The following SERINC5 variants were observed in gnomAD, a reference collection of about 807,000 sequenced individuals.
The protein encoded by SERINC5 is serine incorporator 5.
Under a neutral mutation model 63.1 loss-of-function variants are expected in SERINC5, and 41 were observed. The observed-to-expected ratio is 0.65, with a 90% CI of 0.51 to 0.84. SERINC5 has a LOEUF of 0.84. Among genes scored for constraint, SERINC5 ranks in the 40% least tolerant of loss-of-function variants. The pLI is 0.00. For missense variants in SERINC5, 523 were observed against 573.0 expected, an observed-to-expected ratio of 0.91 and a Z score of 0.89; for synonymous variants, 222 against 215.2, an observed-to-expected ratio of 1.03 and a Z score of -0.28.
At chr5:80,169,576 G>C in intron 5 of SERINC5, 30 bp from the exon 6 acceptor site, 3 of 1,566,420 alleles carry the variant, frequency 1.9e-6, no homozygotes, top group Non-Finnish European at 8.7e-7. Context: ...GTAAGAGGGA[G>C]AGGAGAGAAG....
chr5:80,114,787 G>C (rs1744269565), intron 11 of SERINC5: 1 of 151,824 alleles, frequency 6.6e-6, no homozygotes, highest in Admixed American at 6.6e-5. Context: ...ATTACAATTT[G>C]AGATGAGATT....
chr5:80,222,631 G>A (rs1324310687), intron 1 of SERINC5, among the ~76,000 whole-genome samples: 2 of 151,724 alleles, frequency 1.3e-5, no homozygotes, highest in African/African-American at 4.9e-5. Context: ...GGAGTGCAAT[G>A]GAGCGATCTC....
rs1745518132 is a variant in SERINC5, at chr5:80,141,679, G to C, written c.*1984C>G. On this transcript the variant is annotated 3_prime_UTR_variant, in exon 12 of 12. Coordinates refer to ENST00000507668, the MANE Select transcript of SERINC5 (RefSeq NM_001174072.3). ...TGTGACACGCAGCCCCACTCCCTGA[G>C]CCCATTCCTGGCCCACGGAACTCCT... The C allele has an allele frequency of 1.0e-6, 1 of 985,412 alleles. No individual in the cohort carries two copies. The allele number at this position is 985,412 out of a possible 1,614,324, so 61.0% of individuals were successfully genotyped here.
intron 1 of SERINC5, among the ~76,000 whole-genome samples, chr5:80,205,242 A>G (rs964387145): frequency 6.6e-6 from 1 of 152,200 alleles, no homozygotes; most frequent in African/African-American, 2.4e-5. Context: ...CCTCCTTTCC[A>G]TTGCACAGAG....
intron 1 of SERINC5, among the ~76,000 whole-genome samples, chr5:80,242,152 A>C (rs1175286195): frequency 6.6e-6 from 1 of 152,124 alleles, no homozygotes; most frequent in African/African-American, 2.4e-5. Context: ...AAACAAAAAA[A>C]GTGAAACAAA....
chr5:80,180,326 T>C (rs192239999), intron 2 of SERINC5, among the ~76,000 whole-genome samples: 14 of 152,220 alleles, frequency 9.2e-5, no homozygotes, highest in Non-Finnish European at 1.5e-5. Flanking sequence ...ATAACTATTA[T>C]TCATAAGAAA....
In SERINC5 at chr5:80,150,953, G is replaced by A. The variant is rs1451645849; in HGVS notation, c.987-5C>T. 4 of 1,611,570 alleles carry A rather than the reference G, an allele frequency of 2.5e-6. No individual in the cohort carries two copies. Among genetic ancestry groups the A allele is most frequent in the Non-Finnish European group, 3.4e-6 (4 of 1,177,728 alleles). ...GATCTTGTTGTTGATGTCAAACTAAGAAACAGACAAAAACGTCAGCTGGGC... is the reference window on the plus strand; with the variant it reads ...GATCTTGTTGTTGATGTCAAACTAAAAAACAGACAAAAACGTCAGCTGGGC... On this transcript the variant is annotated splice_region_variant and splice_polypyrimidine_tract_variant and intron_variant, in intron 8 of 11. Coordinates refer to ENST00000507668, the MANE Select transcript of SERINC5 (RefSeq NM_001174072.3).
chr5:80,229,309 C>T (rs898081415), intron 1 of SERINC5, among the ~76,000 whole-genome samples: 1 of 151,432 alleles, frequency 6.6e-6, no homozygotes, highest in Non-Finnish European at 1.5e-5. Context: ...CAGGGGTGAG[C>T]CACCATTCCT....
intron 1 of SERINC5, among the ~76,000 whole-genome samples, chr5:80,228,508 C>T (rs1358268644): frequency 1.3e-5 from 2 of 151,866 alleles, no homozygotes; most frequent in African/African-American, 2.4e-5. Context: ...CACACTGGAG[C>T]GCAGTGGTCC....
rs1382669421 is a variant in SERINC5 at position 80,196,342 on chromosome 5, TA to T, written c.195+6543del. On this transcript the variant is annotated intron_variant, in intron 2 of 11. Transcript: ENST00000507668. ...CTCACACACACTATAGCGACTAAAA[TA>T]AAAAAAAGATGTACCATTAAGTGTT... is the stretch of plus-strand genomic sequence containing the variant. Among the ~76,000 whole-genome samples the T allele has an allele frequency of 2.0e-5, 3 of 151,442 alleles. No individual in the cohort carries two copies. In the South Asian group the frequency reaches 6.3e-4, roughly 32 times the overall value.
intron 7 of SERINC5, among the ~76,000 whole-genome samples, chr5:80,164,910 G>GTTTTTTTTTTTTTTTTTTTTTTTTTTTTT (rs70982026): frequency 1.2e-5 from 1 of 85,192 alleles, no homozygotes; most frequent in African/African-American, 4.9e-5. Flanking sequence ...CTTTTTTTCT[G>GTTTTTTTTTTTTTTTTTTTTTTTTTTTTT]TTTTTTTTTT....
chr5:80,224,472 G>A (rs1224812509), intron 1 of SERINC5, among the ~76,000 whole-genome samples: 1 of 151,900 alleles, frequency 6.6e-6, no homozygotes, highest in Non-Finnish European at 1.5e-5. Context: ...GCAAGACCCT[G>A]TCTCAAAAGA....
chr5:80,166,644 G>T lies in SERINC5; in HGVS notation c.764-166C>A. The T allele has an allele frequency of 7.7e-6, 4 of 518,302 alleles. No individual in the cohort carries two copies. The South Asian group carries it at 8.3e-5, about 11-fold the overall frequency. The allele number at this position is 518,302 out of a possible 1,614,324, so 32.1% of individuals were successfully genotyped here. On this transcript the variant is annotated intron_variant, in intron 6 of 11. Transcript: ENST00000507668. ...TATGTTTCTCAGATAAAACTAAAAAGATATTAAGGGGGAGAGAGTTACACG... is the reference window on the plus strand; with the variant it reads ...TATGTTTCTCAGATAAAACTAAAAATATATTAAGGGGGAGAGAGTTACACG...
At chr5:80,242,189 G>T (rs887130534) in intron 1 of SERINC5, among the ~76,000 whole-genome samples, 3 of 152,008 alleles carry the variant, frequency 2.0e-5, no homozygotes, top group Non-Finnish European at 4.4e-5. Flanking sequence ...TGTCAGATTG[G>T]ATTAAAAAGC....
At chr5:80,160,187 T>A (rs1746793488) in intron 7 of SERINC5, among the ~76,000 whole-genome samples, 1 of 152,206 alleles carries the variant, frequency 6.6e-6, no homozygotes, top group African/African-American at 2.4e-5. Context: ...GACACCCAAC[T>A]GATGTCCACT....
At chr5:80,252,466 G>C (rs1187830713) in intron 1 of SERINC5, among the ~76,000 whole-genome samples, 2 of 152,094 alleles carry the variant, frequency 1.3e-5, no homozygotes, top group Non-Finnish European at 2.9e-5. Flanking sequence ...GTGTCTCTAG[G>C]GGCCTAGCAC....
chr5:80,151,794 G>A (rs1008416761), intron 8 of SERINC5, among the ~76,000 whole-genome samples: 3 of 152,170 alleles, frequency 2.0e-5, no homozygotes, highest in African/African-American at 7.2e-5. Flanking sequence ...AGTGACACAG[G>A]CAACAATCCT....
At chr5:80,237,700 G>A (rs1256336079) in intron 1 of SERINC5, among the ~76,000 whole-genome samples, 1 of 151,812 alleles carries the variant, frequency 6.6e-6, no homozygotes, top group Non-Finnish European at 1.5e-5. Flanking sequence ...CAAATGAAAT[G>A]AGCATTGGTG....
intron 1 of SERINC5, among the ~76,000 whole-genome samples, chr5:80,206,231 T>C (rs1211439019): frequency 6.6e-6 from 1 of 152,190 alleles, no homozygotes. Context: ...GGAAGGAAGT[T>C]TGAGACTCTG....
Sources: allele counts gnomAD v4.1 joint callset (sites outside exome capture counted in the v4.1 genomes callset), GRCh38; gene constraint gnomAD v4.1.1; transcripts MANE v1.5; gene names NCBI Gene and HGNC (gene_info 2026-07-23, HGNC 2026-07-21).